Variants in AGRN observed in about 807,000 individuals in gnomAD.
AGRN encodes the protein agrin.
Under a neutral mutation model 211.0 loss-of-function variants are expected in AGRN, and 106 were observed. The ratio of observed to expected loss-of-function variants is 0.50; its 90% CI spans 0.43 to 0.59. The LOEUF (loss-of-function observed/expected upper bound fraction) is 0.59, where lower values mean the gene tolerates loss of function less well. Among genes scored for constraint, AGRN ranks in the 20% least tolerant of loss-of-function variants. The pLI is 0.00. For missense variants in AGRN, 3,040 were observed against 2,982.6 expected (o/e 1.02, Z -0.45); for synonymous variants, 1,525 against 1,332.5 (o/e 1.14, Z -3.15).
chr1:1,052,480 G>A (rs1473477468), intron 33 of AGRN: 1 of 277,758 alleles, frequency 3.6e-6, no homozygotes, highest in Non-Finnish European at 7.1e-6. Flanking sequence ...CCATGTATGT[G>A]TGTGTATATG....
Position 1,034,543 on chromosome 1 carries a change from G to A in AGRN, c.464-734G>A, listed in dbSNP as rs867530318. On this transcript the variant is annotated intron_variant, in intron 2 of 35. Transcript: ENST00000379370. ...CGCTCTGAGAGTGGGGCGCAGAGCC[G>A]GAGCCCCGGGCCATGCCTCCGCTGC... 227 of 986,196 alleles carry A rather than the reference G, an allele frequency of 2.3e-4. No homozygotes were observed. The Middle Eastern group carries it at 9.4e-3, about 41-fold the overall frequency. 61.1% of individuals were successfully genotyped at this position (986,196 alleles called of 1,614,324 possible). A position where few individuals can be genotyped will look rare whatever the true frequency, so the allele number is the denominator to read the frequency against.
Position 1,053,786 on chromosome 1 carries a change from G to A in AGRN, c.5685G>A (p.Leu1895=), listed in dbSNP as rs1570259187. Residue 1895 remains leucine (L), a synonymous_variant, in exon 34 of 36, where the codon CTG becomes CTA. Transcript: ENST00000379370. ...CACTGCAGAGCAACCACTTTGAACTGAGCCTGCGCACTGAGGCCACGCAGG... is the reference window on the plus strand; with the variant it reads ...CACTGCAGAGCAACCACTTTGAACTAAGCCTGCGCACTGAGGCCACGCAGG... The part of the protein sequence containing the change: ...EKALQSNHFE[L]SLRTEATQGL... The A allele has an allele frequency of 6.2e-7, 1 of 1,609,848 alleles. No individual in the cohort carries two copies. The highest frequency in any genetic ancestry group is 8.5e-7 in the Non-Finnish European group (1 of 1,178,764).
At chr1:1,053,597 C>T (rs2100698666) in intron 33 of AGRN, 156 bp from the exon 34 acceptor site, 1 of 1,503,272 alleles carries the variant, frequency 6.7e-7, no homozygotes, top group East Asian at 2.5e-5. Context: ...CTCCATCCCT[C>T]TTCTCCCTCC....
rs766390787 is a variant in AGRN, at chr1:1,053,746, C to T, written c.5652-7C>T. ...CTAGAGGCCCTGACCTGCCCTCTGC[C>T]CTCCAGCGAGAAGGCACTGCAGAGC... On this transcript the variant is annotated splice_region_variant and splice_polypyrimidine_tract_variant and intron_variant, in intron 33 of 35. Transcript: ENST00000379370. 1 of 1,593,642 alleles carries T rather than the reference C, an allele frequency of 6.3e-7. No individual in the cohort carries two copies. Among genetic ancestry groups the T allele is most frequent in the African/African-American group, 1.3e-5 (1 of 74,714 alleles).
chr1:1,040,960 G>A, intron 4 of AGRN, 80 bp downstream of exon 4: 1 of 530,360 alleles, frequency 1.9e-6, no homozygotes, highest in Non-Finnish European at 2.6e-6. Context: ...GGGCTTCGGG[G>A]CCAGTGGGGC....
At chr1:1,041,774 C>A in intron 6 of AGRN, 72 bp downstream of exon 6, 1 of 1,289,452 alleles carries the variant, frequency 7.8e-7, no homozygotes, top group South Asian at 1.4e-5. Flanking sequence ...CGGGGGAGGG[C>A]TCCGGCCAGT....
At chr1:1,054,072 G>A (rs1282600759) in intron 34 of AGRN, 95 bp downstream of exon 34, 13 of 1,352,152 alleles carry the variant, frequency 9.6e-6, no homozygotes, top group African/African-American at 7.2e-5. Flanking sequence ...CAGGGGTCAG[G>A]GAGGACACGC....
chr1:1,047,878 T>A lies in AGRN; in HGVS notation c.3734T>A (p.Val1245Glu). 1.2e-6 allele frequency: 2 copies of A among 1,605,632 alleles called. No individual in the cohort carries two copies. The highest frequency in any genetic ancestry group is 1.7e-6 in the Non-Finnish European group (2 of 1,177,116). ...GTGAGGCGGCCGCTGCAGGAGCACG[T>A]GCGATTTATGGACTTTGGTGAGCGC... ...LGVRRPLQEH[V>E]RFMDFDWFPA... The change falls in exon 22 of 36, where the codon GTG becomes GAG. Residue 1245 changes from valine (V) to glutamate (E), a missense_variant. Transcript: ENST00000379370.
chr1:1,047,707 C>CCCTT lies in AGRN; in HGVS notation c.3631+24_3631+27dup, dbSNP rs1182417747. 1 of 1,612,930 alleles carries CCCTT rather than the reference C, an allele frequency of 6.2e-7. No individual in the cohort carries two copies. Among genetic ancestry groups the CCCTT allele is most frequent in the Non-Finnish European group, 8.5e-7 (1 of 1,179,980 alleles). On this transcript the variant is annotated intron_variant, in intron 21 of 35. Transcript: ENST00000379370. Reference sequence around the variant, plus strand: ...ACCCCAGTGAGACCTGCACCCTGGACCCTTCCTGGGAGGCAATGGGTGGGG... The same window carrying CCCTT: ...ACCCCAGTGAGACCTGCACCCTGGACCCTTCCTTCCTGGGAGGCAATGGGTGGGG...
chr1:1,044,384 G>C lies in AGRN; in HGVS notation c.2199G>C (p.Lys733Asn). The C allele has an allele frequency of 6.2e-7, 1 of 1,612,710 alleles. No homozygotes were observed. The highest frequency in any genetic ancestry group is 8.5e-7 in the Non-Finnish European group (1 of 1,179,800). Residue 733 changes from lysine (K) to asparagine (N), a missense_variant, in exon 12 of 36, where the codon AAG becomes AAC. Physicochemically the swap from Lys to Asn is moderately conservative, Grantham distance 94. Coordinates refer to ENST00000379370, the MANE Select transcript of AGRN (RefSeq NM_198576.4). The part of the protein sequence containing the change: ...VTYSTECELK[K>N]ARCESQRGLY... The stretch of plus-strand genomic sequence containing the variant: ...ACAGCACCGAGTGTGAGCTGAAGAA[G>C]GCCAGGTGTGAGTCACAGCGAGGGC...
intron 3 of AGRN, among the ~76,000 whole-genome samples, 182 bp downstream of exon 3, chr1:1,035,506 A>G (rs1213792679): frequency 6.6e-6 from 1 of 152,214 alleles, no homozygotes; most frequent in African/African-American, 2.4e-5. Flanking sequence ...CTCGGGGTCT[A>G]GAGGCCGCCG....
In AGRN at chr1:1,056,098, A is replaced by T. The variant is rs1033767471; in HGVS notation, c.*1117A>T. 4 of 152,332 alleles carry T rather than the reference A, an allele frequency of 2.6e-5. No individual in the cohort carries two copies. The highest frequency in any genetic ancestry group is 9.6e-5 in the African/African-American group (4 of 41,464). The allele number at this position is 152,332 out of a possible 1,614,324, so 9.4% of individuals were successfully genotyped here. A position where few individuals can be genotyped will look rare whatever the true frequency, so the allele number is the denominator to read the frequency against. ...TTTCTGTGTCAATCGCTGTGAAATAAAGTCTGAAAACTTTAAAAGCATTGC... is the reference window on the plus strand; with the variant it reads ...TTTCTGTGTCAATCGCTGTGAAATATAGTCTGAAAACTTTAAAAGCATTGC... On this transcript the variant is annotated 3_prime_UTR_variant, in exon 36 of 36. Transcript: ENST00000379370.
At chr1:1,037,551 C>T (rs189627138) in intron 3 of AGRN, among the ~76,000 whole-genome samples, 35 of 152,320 alleles carry the variant, frequency 2.3e-4, no homozygotes, top group Admixed American at 7.8e-4. Context: ...GCGTTGCACA[C>T]AGTGGGAGGA....
chr1:1,026,656 A>AG (rs145258231), intron 2 of AGRN, among the ~76,000 whole-genome samples: 6,549 of 151,392 alleles, frequency 0.043, 359 homozygotes, highest in African/African-American at 0.13. Context: ...TGGTTCTGGC[A>AG]CCCCCTCCCC....
chr1:1,033,057 C>T (rs892177553), intron 2 of AGRN, among the ~76,000 whole-genome samples: 1 of 152,132 alleles, frequency 6.6e-6, no homozygotes, highest in Non-Finnish European at 1.5e-5. Context: ...CATTCCCCGC[C>T]CCGGGCCGCA....
chr1:1,050,865 C>T (rs747042622), intron 30 of AGRN, 28 bp downstream of exon 30: 1 of 1,531,150 alleles, frequency 6.5e-7, no homozygotes, highest in South Asian at 1.2e-5. Flanking sequence ...CGAGGGGACT[C>T]CCGCTGCTGC....
chr1:1,050,167 A>G, intron 27 of AGRN, 66 bp from the exon 28 acceptor site: 3 of 1,599,044 alleles, frequency 1.9e-6, no homozygotes, highest in Non-Finnish European at 2.6e-6. Flanking sequence ...GGATCCACAC[A>G]CGGCTGGCAT....
At chr1:1,042,266 C>T (rs574307917) in intron 7 of AGRN, 104 bp downstream of exon 7, 71 of 1,378,124 alleles carry the variant, frequency 5.2e-5, no homozygotes, top group African/African-American at 4.1e-4. Context: ...TCTTGGGGTC[C>T]TGGGAGTGGG....
chr1:1,041,580 G>T lies in AGRN; in HGVS notation c.1055G>T (p.Arg352Leu). ...CTACGGCCCGAGAGCTGCCCTGCCCGGCAGGCGCCAGTGTGTGGGGACGAC... is the reference window on the plus strand; with the variant it reads ...CTACGGCCCGAGAGCTGCCCTGCCCTGCAGGCGCCAGTGTGTGGGGACGAC... ...MLLRPESCPA[R>L]QAPVCGDDGV... The change falls in exon 6 of 36, where the codon CGG becomes CTG. Residue 352 changes from arginine (R) to leucine (L), a missense_variant. Around this residue, in one of 3 missense-constraint regions of AGRN, gnomAD observed 1,498 missense variants for 1,457.8 expected, o/e 1.03. Coordinates refer to ENST00000379370, the MANE Select transcript of AGRN (RefSeq NM_198576.4). The T allele has an allele frequency of 1.2e-6, 2 of 1,610,618 alleles. No individual in the cohort carries two copies. Among genetic ancestry groups the T allele is most frequent in the Non-Finnish European group, 1.7e-6 (2 of 1,179,380 alleles).
Sources: allele counts gnomAD v4.1 joint callset (sites outside exome capture counted in the v4.1 genomes callset), GRCh38; gene constraint gnomAD v4.1.1; regional missense constraint gnomAD v4.1.1; transcripts MANE v1.5; gene names NCBI Gene and HGNC (gene_info 2026-07-23, HGNC 2026-07-21).